Variants in NOL4 observed in about 807,000 individuals in gnomAD.
NOL4 encodes the protein cancer/testis antigen 125.
Under a neutral mutation model 75.9 loss-of-function variants are expected in NOL4, and 17 were observed. The ratio of observed to expected loss-of-function variants is 0.22; its 90% CI spans 0.15 to 0.34. The LOEUF is 0.34. Ranked by LOEUF, NOL4 falls within the 10% of genes least tolerant of loss-of-function variation. NOL4 has a pLI of 1.00. For synonymous variants in NOL4, 292 were observed against 289.9 expected (o/e 1.01, Z -0.07); for missense variants, 614 against 793.5 (o/e 0.77, Z 2.72).
At chr18:34,155,520 G>A (rs1486970542) in intron 1 of NOL4, among the ~76,000 whole-genome samples, 1 of 151,982 alleles carries the variant, frequency 6.6e-6, no homozygotes, top group East Asian at 1.9e-4. Flanking sequence ...GAGTGTTCTT[G>A]CACAAACATA....
chr18:33,975,495 C>T (rs1455403877), intron 6 of NOL4, among the ~76,000 whole-genome samples: 6 of 152,142 alleles, frequency 3.9e-5, no homozygotes, highest in Non-Finnish European at 8.8e-5. Context: ...GTTAAAAGGC[C>T]GGGTGCAGTG....
At chr18:33,896,084 C>G (rs1005467377) in intron 9 of NOL4, among the ~76,000 whole-genome samples, 11 of 151,996 alleles carry the variant, frequency 7.2e-5, no homozygotes, top group African/African-American at 1.7e-4. Flanking sequence ...CCTAGGAATA[C>G]AGCTAACGAG....
chr18:33,958,259 C>G lies in NOL4; in HGVS notation c.1216G>C (p.Glu406Gln). ...CTCACATTAAAAGCTTTCAGCCGCT[C>G]GGCTTCAACGCCGTCTGTCTCATTA... ...KVNETDGVEA[E>Q]RLKAFNMFVR... The change falls in exon 7 of 11, where the codon GAG (glutamate) becomes CAG (glutamine). Residue 406 changes from glutamate to glutamine, a missense_variant. Transcript: ENST00000261592. 6.2e-7 allele frequency: 1 copy of G among 1,613,294 alleles called. No individual in the cohort carries two copies. Among genetic ancestry groups the G allele is most frequent in the Non-Finnish European group, 8.5e-7 (1 of 1,179,502 alleles).
At chr18:34,041,670 T>C (rs1275806670) in intron 5 of NOL4, among the ~76,000 whole-genome samples, 3 of 152,124 alleles carry the variant, frequency 2.0e-5, no homozygotes, top group Non-Finnish European at 2.9e-5. Context: ...AAAAGCATTA[T>C]AGATTTTCTT....
intron 5 of NOL4, among the ~76,000 whole-genome samples, chr18:34,053,791 T>C (rs767715755): frequency 2.6e-5 from 4 of 151,964 alleles, no homozygotes; most frequent in African/African-American, 4.8e-5. Flanking sequence ...TTTAACACAG[T>C]TTTTGAATTA....
intron 1 of NOL4, among the ~76,000 whole-genome samples, chr18:34,205,347 C>G (rs2036047842): frequency 6.6e-6 from 1 of 152,128 alleles, no homozygotes; most frequent in African/African-American, 2.4e-5. Context: ...CGAGAAGTAG[C>G]TCTGCTTTCT....
At chr18:34,106,285 G>A (rs2079274978) in intron 2 of NOL4, among the ~76,000 whole-genome samples, 1 of 152,014 alleles carries the variant, frequency 6.6e-6, no homozygotes, top group African/African-American at 2.4e-5. Context: ...GGCTACAGAA[G>A]CCTAGCCTTG....
Position 33,852,914 on chromosome 18 carries a change from T to C in NOL4, c.1845A>G (p.Gly615=), listed in dbSNP as rs767633908. The C allele has an allele frequency of 1.9e-6, 3 of 1,613,216 alleles. No homozygotes were observed. The highest frequency in any genetic ancestry group is 2.5e-6 in the Non-Finnish European group (3 of 1,179,496). The change falls in exon 11 of 11, where the codon GGA becomes GGG. Residue 615 remains glycine, a synonymous_variant. Transcript: ENST00000261592. ...ATAAAAATGCAGCTGATTCTCGATA[T>C]CCTGCAACAAGCTGTCTCACGGCAT... ...EINAVRQLVA[G]YRESAAFLLR... is the part of the protein sequence containing the mutation.
intron 9 of NOL4, among the ~76,000 whole-genome samples, chr18:33,932,862 C>A (rs2067793983): frequency 6.6e-6 from 1 of 152,016 alleles, no homozygotes; most frequent in African/African-American, 2.4e-5. Flanking sequence ...GAAAGGCTTG[C>A]AAAACACTTC....
At chr18:33,860,327 C>T (rs1445468179) in intron 10 of NOL4, among the ~76,000 whole-genome samples, 1 of 152,078 alleles carries the variant, frequency 6.6e-6, no homozygotes, top group Non-Finnish European at 1.5e-5. Context: ...CATTTCAAAA[C>T]CAATCATGCC....
intron 5 of NOL4, among the ~76,000 whole-genome samples, chr18:34,072,676 A>T (rs1043238953): frequency 6.6e-6 from 1 of 152,196 alleles, no homozygotes; most frequent in Non-Finnish European, 1.5e-5. Context: ...AACATTTACC[A>T]AGTCAGGTCA....
chr18:34,142,864 G>A (rs954825033), intron 1 of NOL4, among the ~76,000 whole-genome samples: 2 of 151,876 alleles, frequency 1.3e-5, no homozygotes, highest in Non-Finnish European at 2.9e-5. Flanking sequence ...CAATACAGTC[G>A]GCCCTTGGTA....
At chr18:34,001,464 T>C (rs925394435) in intron 6 of NOL4, among the ~76,000 whole-genome samples, 10 of 152,114 alleles carry the variant, frequency 6.6e-5, no homozygotes, top group Admixed American at 6.6e-4. Flanking sequence ...TGCTAGAAAT[T>C]GTGCTAAATA....
chr18:34,149,661 C>T (rs924301609), intron 1 of NOL4, among the ~76,000 whole-genome samples: 1 of 151,574 alleles, frequency 6.6e-6, no homozygotes, highest in Non-Finnish European at 1.5e-5. Context: ...ATGATGAAGC[C>T]ATAATTTGTC....
At chr18:33,881,809 AC>A (rs1236649839) in intron 10 of NOL4, among the ~76,000 whole-genome samples, 1 of 152,138 alleles carries the variant, frequency 6.6e-6, no homozygotes, top group African/African-American at 2.4e-5. Context: ...AAACTATACT[AC>A]AAGGCTACAG....
At chr18:34,183,115 T>C (rs1600817704) in intron 1 of NOL4, among the ~76,000 whole-genome samples, 1 of 151,832 alleles carries the variant, frequency 6.6e-6, no homozygotes, top group South Asian at 2.1e-4. Context: ...AATGTCAAAA[T>C]AAGTTACAGA....
intron 6 of NOL4, among the ~76,000 whole-genome samples, chr18:34,016,286 C>T (rs922359255): frequency 6.6e-6 from 1 of 152,062 alleles, no homozygotes; most frequent in South Asian, 2.1e-4. Flanking sequence ...CACAATAGCT[C>T]TCTAACCGGC....
chr18:33,871,926 TA>T, intron 10 of NOL4, among the ~76,000 whole-genome samples: 1 of 152,190 alleles, frequency 6.6e-6, no homozygotes, highest in South Asian at 2.1e-4. Flanking sequence ...CTCAGCCAGA[TA>T]AACTGAAAGC....
intron 6 of NOL4, among the ~76,000 whole-genome samples, chr18:34,008,371 G>GTCTGTCTATCTA (rs1555690666): frequency 0.018 from 2,661 of 147,648 alleles, 57 homozygotes; most frequent in African/African-American, 0.044. Flanking sequence ...CTATCTGTCT[G>GTCTGTCTATCTA]TCTATCTATC....
Sources: allele counts gnomAD v4.1 joint callset (sites outside exome capture counted in the v4.1 genomes callset), GRCh38; gene constraint gnomAD v4.1.1; transcripts MANE v1.5; gene names NCBI Gene and HGNC (gene_info 2026-07-23, HGNC 2026-07-21).